The following KATNA1 variants were observed in gnomAD, a reference collection of about 807,000 sequenced individuals.
The protein encoded by KATNA1 is katanin catalytic subunit A1, also known as katanin p60 ATPase-containing subunit A1.
A neutral mutation model predicts 62.6 loss-of-function variants in KATNA1; 42 were observed. The observed-to-expected ratio is 0.67, with a 90% CI of 0.52 to 0.87. The LOEUF (loss-of-function observed/expected upper bound fraction) is 0.87, where lower values mean the gene tolerates loss of function less well. Ranked by LOEUF, KATNA1 falls within the 40% of genes least tolerant of loss-of-function variation. The probability of loss-of-function intolerance (pLI) is 0.00; values close to 1 mark genes in which losing one functional copy is unlikely to be tolerated. For missense variants in KATNA1, 498 were observed against 612.5 expected (o/e 0.81, Z 1.97); for synonymous variants, 186 against 201.9 (o/e 0.92, Z 0.67).
In KATNA1 at chr6:149,637,822, A is replaced by G. The variant is rs1018989306; in HGVS notation, c.162+564T>C. 2.6e-5 allele frequency among the ~76,000 whole-genome samples: 4 copies of G among 152,214 alleles called. No homozygotes were observed. The South Asian group carries it at 8.3e-4, about 32-fold the overall frequency. ...CAAAACTCTGTCTCGAGGAAAAAAC[A>G]AAACAAAAAAAACCCCTCTTATTAG... On this transcript the variant is annotated intron_variant, in intron 2 of 10. Transcript: ENST00000367411.
At chr6:149,641,012 A>G (rs1159448818) in intron 1 of KATNA1, among the ~76,000 whole-genome samples, 3 of 151,928 alleles carry the variant, frequency 2.0e-5, no homozygotes, top group Admixed American at 1.3e-4. Flanking sequence ...CTGGGATTAC[A>G]GGCATGTGCC....
At chr6:149,632,682 A>C in intron 3 of KATNA1, 77 bp downstream of exon 3, 1 of 1,249,564 alleles carries the variant, frequency 8.0e-7, no homozygotes, top group Non-Finnish European at 1.1e-6. Context: ...TCTCTCAGCC[A>C]CCCCATCCTC....
intron 4 of KATNA1, among the ~76,000 whole-genome samples, chr6:149,619,791 C>T (rs1779321894): frequency 6.6e-6 from 1 of 152,080 alleles, no homozygotes; most frequent in East Asian, 1.9e-4. Context: ...ATTCATTTCC[C>T]TTCCTTTGGA....
chr6:149,628,264 ATT>A (rs554916406), intron 3 of KATNA1, among the ~76,000 whole-genome samples: 56 of 129,548 alleles, frequency 4.3e-4, no homozygotes, highest in African/African-American at 1.2e-3. Context: ...TGCCCGGCTA[ATT>A]TTTTTTTTTT....
At chr6:149,623,326 T>C (rs1562293281) in intron 3 of KATNA1, 43 bp from the exon 4 acceptor site, 1 of 1,427,084 alleles carries the variant, frequency 7.0e-7, no homozygotes, top group Middle Eastern at 1.8e-4. Context: ...CAACTCCACA[T>C]ATGGATGAAC....
chr6:149,616,531 G>A (rs1050373902), intron 4 of KATNA1, among the ~76,000 whole-genome samples: 2 of 152,128 alleles, frequency 1.3e-5, no homozygotes, highest in South Asian at 2.1e-4. Context: ...AGGCCAAGGC[G>A]GGCAGATCAT....
chr6:149,595,188 G>T lies in KATNA1; in HGVS notation c.1324C>A (p.Pro442Thr). ...AMRRRIEGLT[P>T]EEIRNLSKEE... ...TTGGAAAGATTTCGGATTTCCTCTGGAGTCAAACCTTCAATGCGCCTTCTC... is the reference window on the plus strand; with the variant it reads ...TTGGAAAGATTTCGGATTTCCTCTGTAGTCAAACCTTCAATGCGCCTTCTC... The change falls in exon 11 of 11, where the codon CCA (proline) becomes ACA (threonine). Residue 442 changes from proline (P) to threonine (T), a missense_variant. Physicochemically the swap from Pro to Thr is conservative, Grantham distance 38. Around this residue, in one of 3 missense-constraint regions of KATNA1, gnomAD observed 267 missense variants for 372.6 expected, o/e 0.72. Transcript: ENST00000367411. 4 of 1,614,082 alleles carry T rather than the reference G, an allele frequency of 2.5e-6. No individual in the cohort carries two copies. Among genetic ancestry groups the T allele is most frequent in the Non-Finnish European group, 3.4e-6 (4 of 1,179,998 alleles).
chr6:149,618,462 A>G (rs59153462), intron 4 of KATNA1, among the ~76,000 whole-genome samples: 2,876 of 152,124 alleles, frequency 0.019, 94 homozygotes, highest in African/African-American at 0.067. Context: ...TGGGTGATAG[A>G]GCGAGACTTC....
Position 149,595,001 on chromosome 6 carries a change from T to G in KATNA1, c.*35A>C. On this transcript the variant is annotated 3_prime_UTR_variant, in exon 11 of 11. Transcript: ENST00000367411. Reference sequence around the variant, plus strand: ...ATTACTGCATTTAATATTCAAACACTTAAGGCACATTTCTCACAGTTTACA... The same window carrying G: ...ATTACTGCATTTAATATTCAAACACGTAAGGCACATTTCTCACAGTTTACA... 1.3e-6 allele frequency: 2 copies of G among 1,535,742 alleles called. No homozygotes were observed. The highest frequency in any genetic ancestry group is 1.8e-6 in the Non-Finnish European group (2 of 1,111,046).
At chr6:149,600,770 TAAAAAAAAAA>T (rs386408910) in intron 7 of KATNA1, among the ~76,000 whole-genome samples, 2,672 of 108,368 alleles carry the variant, frequency 0.025, 118 homozygotes, top group African/African-American at 0.087. Flanking sequence ...ACCCCATCTG[TAAAAAAAAAA>T]AAAAAAAAAA....
intron 3 of KATNA1, among the ~76,000 whole-genome samples, chr6:149,626,292 C>CTTTT (rs544379629): frequency 7.9e-5 from 7 of 88,726 alleles, no homozygotes; most frequent in Admixed American, 1.7e-4. Flanking sequence ...ATAACATTTA[C>CTTTT]TTTTTTTTTT....
At chr6:149,628,504 A>T (rs552945107) in intron 3 of KATNA1, among the ~76,000 whole-genome samples, 41 of 152,178 alleles carry the variant, frequency 2.7e-4, no homozygotes, top group Admixed American at 2.2e-3. Context: ...TCATAAGGTT[A>T]GGATCACCAA....
chr6:149,608,038 C>A (rs9404047), intron 4 of KATNA1, among the ~76,000 whole-genome samples: 50,798 of 152,088 alleles, frequency 0.33, 10,167 homozygotes, highest in East Asian at 0.81. Context: ...TGCACTCCAG[C>A]CTGGGCGACA....
chr6:149,617,615 C>T (rs1238309985), intron 4 of KATNA1, among the ~76,000 whole-genome samples: 3 of 151,734 alleles, frequency 2.0e-5, no homozygotes, highest in Non-Finnish European at 2.9e-5. Context: ...TCCTGATCAA[C>T]ATGGTGAAAC....
At chr6:149,640,964 G>A (rs1468870917) in intron 1 of KATNA1, among the ~76,000 whole-genome samples, 15 of 152,102 alleles carry the variant, frequency 9.9e-5, no homozygotes, top group African/African-American at 3.1e-4. Flanking sequence ...TCCGCCTCTC[G>A]GGTTCAAGCG....
chr6:149,633,747 T>TA (rs1156429437), intron 2 of KATNA1, among the ~76,000 whole-genome samples: 8 of 135,222 alleles, frequency 5.9e-5, no homozygotes, highest in South Asian at 2.4e-4. Flanking sequence ...AAATAAAAAA[T>TA]AAAAAAAAAA....
chr6:149,630,992 A>G (rs1356916371), intron 3 of KATNA1, among the ~76,000 whole-genome samples: 1 of 152,212 alleles, frequency 6.6e-6, no homozygotes, highest in East Asian at 1.9e-4. Flanking sequence ...CAGCTGTCTT[A>G]TCTGAAATAC....
At chr6:149,646,026 G>A (rs1016888213) in intron 1 of KATNA1, among the ~76,000 whole-genome samples, 1 of 151,982 alleles carries the variant, frequency 6.6e-6, no homozygotes, top group African/African-American at 2.4e-5. Context: ...ACCTAAAGAG[G>A]ATACCTTACC....
intron 4 of KATNA1, among the ~76,000 whole-genome samples, chr6:149,611,832 T>G (rs1778971702): frequency 6.6e-6 from 1 of 151,952 alleles, no homozygotes; most frequent in Non-Finnish European, 1.5e-5. Flanking sequence ...ACCCCGTCAC[T>G]GCTAAAAATA....
Sources: gnomAD v4.1 joint callset for allele counts (sites outside exome capture counted in the v4.1 genomes callset) on GRCh38, gnomAD v4.1.1 for gene constraint, gnomAD v4.1.1 regional missense constraint, MANE v1.5 for transcripts, NCBI Gene and HGNC (gene_info 2026-07-23, HGNC 2026-07-21) for gene names.